EIF4E2: variants seen among roughly 807,000 people sequenced by gnomAD.
EIF4E2 encodes eukaryotic translation initiation factor 4E type 2.
EIF4E2 carries 13 observed loss-of-function variants against 34.2 expected under a neutral mutation model. The observed-to-expected ratio is 0.38, with a 90% CI of 0.25 to 0.60. The LOEUF (loss-of-function observed/expected upper bound fraction) is 0.60. Among genes scored for constraint, EIF4E2 ranks in the 20% least tolerant of loss-of-function variants. The pLI is 0.62. For missense variants in EIF4E2, 222 were observed against 315.1 expected (o/e 0.70, Z 2.24); for synonymous variants, 100 against 106.6 (o/e 0.94, Z 0.38).
At chr2:232,555,748 A>G (rs535526901) in intron 1 of EIF4E2, among the ~76,000 whole-genome samples, 11 of 152,318 alleles carry the variant, frequency 7.2e-5, no homozygotes, top group Admixed American at 2.0e-4. Flanking sequence ...TTGCTAGAGG[A>G]GGAGGATCCT....
chr2:232,559,406 C>T (rs556973426), intron 3 of EIF4E2, among the ~76,000 whole-genome samples: 7 of 148,724 alleles, frequency 4.7e-5, no homozygotes, highest in Non-Finnish European at 8.9e-5. Context: ...AACAGTCTTG[C>T]ATATTACTTT....
In EIF4E2 at chr2:232,581,154, G is replaced by T. The variant is rs1463695079; in HGVS notation, c.*211G>T. On this transcript the variant is annotated 3_prime_UTR_variant, in exon 7 of 7. Transcript: ENST00000409098. This position sits in a 1 kb window ranked among gnomAD's most constrained non-coding sequence, Gnocchi z 5.2. ...GCGGAAAAACGGAAAACGTGACTTTGTAATAGACAAACATTGTTTTTTAAT... is the reference window on the plus strand; with the variant it reads ...GCGGAAAAACGGAAAACGTGACTTTTTAATAGACAAACATTGTTTTTTAAT... 4.3e-6 allele frequency: 3 copies of T among 696,574 alleles called. No homozygotes were observed. The highest frequency in any genetic ancestry group is 8.0e-6 in the Non-Finnish European group (3 of 374,474). The allele number at this position is 696,574 out of a possible 1,614,324, so 43.1% of individuals were successfully genotyped here.
chr2:232,577,775 T>C (rs547829718), intron 6 of EIF4E2, among the ~76,000 whole-genome samples: 9 of 152,228 alleles, frequency 5.9e-5, no homozygotes, highest in Non-Finnish European at 1.3e-4. Context: ...AGCTTCTGTG[T>C]CCTCTTTGGT....
rs969910226 is a variant in EIF4E2 at position 232,569,161 on chromosome 2, G to A, written c.*144G>A. On this transcript the variant is annotated 3_prime_UTR_variant, in exon 7 of 7. Transcript: ENST00000258416. ...TTATGTTTTAAGAACAGGCTGACAC[G>A]CAGCAGCTACAACAACAGCTGAGAT... is the stretch of plus-strand genomic sequence containing the variant. 39 of 1,462,374 alleles carry A rather than the reference G, an allele frequency of 2.7e-5. No individual in the cohort carries two copies. In the Admixed American group the frequency reaches 3.7e-4, roughly 14 times the overall value. 90.6% of individuals were successfully genotyped at this position (1,462,374 alleles called of 1,614,324 possible). A position where few individuals can be genotyped will look rare whatever the true frequency, so the allele number is the denominator to read the frequency against.
In EIF4E2 at chr2:232,569,057, G is replaced by A. The variant is rs371432997; in HGVS notation, c.*40G>A. 3.5e-5 allele frequency: 57 copies of A among 1,608,420 alleles called. No homozygotes were observed. The highest frequency in any genetic ancestry group is 2.5e-4 in the Admixed American group (15 of 58,850). ...GGATGGCACCATCATTGAAGCTGGC[G>A]TCATCGGAGTCTCTTGTTCTGTTGG... On this transcript the variant is annotated 3_prime_UTR_variant, in exon 7 of 7. Coordinates refer to ENST00000258416, the MANE Select transcript of EIF4E2 (RefSeq NM_004846.4).
At chr2:232,569,814 G>A (rs550544868), downstream of EIF4E2, 2 of 152,262 alleles carry the variant, frequency 1.3e-5, no homozygotes, top group African/African-American at 4.8e-5. Context: ...CTTTCTCCTG[G>A]GCCCGGTGTT....
chr2:232,556,643 A>C (rs1467867620), intron 2 of EIF4E2, 113 bp downstream of exon 2: 1 of 756,996 alleles, frequency 1.3e-6, no homozygotes, highest in African/African-American at 1.8e-5. Context: ...CTGTGTTGGA[A>C]TATCTGACTT....
At chr2:232,580,346 G>C (rs76172264) in intron 6 of EIF4E2, among the ~76,000 whole-genome samples, 5,784 of 152,202 alleles carry the variant, frequency 0.038, 202 homozygotes, top group Non-Finnish European at 0.055. Context: ...AAAAGAAAGG[G>C]GGGGAGAGAG....
chr2:232,556,718 C>T, intron 2 of EIF4E2, 188 bp downstream of exon 2: 1 of 549,328 alleles, frequency 1.8e-6, no homozygotes. Flanking sequence ...TTTCTCTTGC[C>T]ACAGAATCTT....
chr2:232,570,847 G>T (rs1320795196), downstream of EIF4E2, among the ~76,000 whole-genome samples: 8 of 152,182 alleles, frequency 5.3e-5, no homozygotes, highest in Middle Eastern at 3.2e-3. Context: ...TGAGGCAGGA[G>T]AATTGCTTGA....
intron 3 of EIF4E2, among the ~76,000 whole-genome samples, chr2:232,563,128 C>G (rs1001429528): frequency 3.3e-5 from 5 of 152,216 alleles, no homozygotes; most frequent in African/African-American, 1.2e-4. Flanking sequence ...GATTTAGAGC[C>G]TGCTCAGCAG....
chr2:232,576,169 A>G (rs1693213313), intron 6 of EIF4E2, among the ~76,000 whole-genome samples: 1 of 151,348 alleles, frequency 6.6e-6, no homozygotes, highest in African/African-American at 2.4e-5. Context: ...ATGCCACTGT[A>G]CTCCAGCCTG....
rs1692966029 is a variant in EIF4E2, at chr2:232,567,215, G to A, written c.665+1G>A. ...ACAAAACTCACACCGACAGCATCAAGTACGTGTTGGGGGGTTATGGGAGGA... is the reference window on the plus strand; with the variant it reads ...ACAAAACTCACACCGACAGCATCAAATACGTGTTGGGGGGTTATGGGAGGA... On this transcript the variant is annotated splice_donor_variant, in intron 6 of 6. Transcript: ENST00000258416. LOFTEE classifies it high-confidence loss of function. 6.2e-7 allele frequency: 1 copy of A among 1,614,066 alleles called. No homozygotes were observed. The highest frequency in any genetic ancestry group is 8.5e-7 in the Non-Finnish European group (1 of 1,180,040).
rs138470193 is a variant in EIF4E2 at position 232,551,908 on chromosome 2, T to C, written c.20+1164T>C. Among the ~76,000 whole-genome samples the C allele has an allele frequency of 6.5e-3, 995 of 152,240 alleles. 12 individuals carry two copies. Among genetic ancestry groups the C allele is most frequent in the African/African-American group, 0.023 (946 of 41,516 alleles). ...GGTCTCTGCTACTTGAGAAAGTCTT[T>C]GCCCGACCTCTTCTCTATCCTGCTG... On this transcript the variant is annotated intron_variant, in intron 1 of 6. Transcript: ENST00000258416.
intron 2 of EIF4E2, among the ~76,000 whole-genome samples, chr2:232,557,100 C>T (rs905538118): frequency 6.6e-6 from 1 of 152,150 alleles, no homozygotes; most frequent in Non-Finnish European, 1.5e-5. Flanking sequence ...CAAAAATTAG[C>T]TGGATGCTGT....
intron 6 of EIF4E2, among the ~76,000 whole-genome samples, chr2:232,579,049 T>C (rs1186014160): frequency 6.6e-6 from 1 of 151,836 alleles, no homozygotes; most frequent in African/African-American, 2.4e-5. Flanking sequence ...TAGTATTAAG[T>C]GTAGGTACAA....
chr2:232,558,703 A>G (rs1440830201), intron 3 of EIF4E2: 3 of 151,800 alleles, frequency 2.0e-5, no homozygotes, highest in African/African-American at 7.3e-5. Context: ...CATGGTGTCT[A>G]TCTTCATGAA....
chr2:232,556,580 T>G, intron 2 of EIF4E2, 50 bp downstream of exon 2: 2 of 1,285,802 alleles, frequency 1.6e-6, no homozygotes, highest in Non-Finnish European at 2.2e-6. Context: ...GAGACTTTTA[T>G]TATCTTGTGG....
At chr2:232,554,796 G>A (rs1283768063) in intron 1 of EIF4E2, among the ~76,000 whole-genome samples, 1 of 152,148 alleles carries the variant, frequency 6.6e-6, no homozygotes, top group South Asian at 2.1e-4. Context: ...AATTCTCTCA[G>A]GGCTTTTCTT....
Sources: allele counts gnomAD v4.1 joint callset (sites outside exome capture counted in the v4.1 genomes callset), GRCh38; gene constraint gnomAD v4.1.1; non-coding constraint Gnocchi (gnomAD v3.1); transcripts MANE v1.5; gene names NCBI Gene and HGNC (gene_info 2026-07-23, HGNC 2026-07-21).